Variants in MARCHF3 observed in about 807,000 individuals in gnomAD.
MARCHF3 encodes the protein membrane associated ring-CH-type finger 3.
A neutral mutation model predicts 24.2 loss-of-function variants in MARCHF3; 13 were observed. The ratio of observed to expected loss-of-function variants is 0.54; its 90% CI spans 0.35 to 0.85. The LOEUF is 0.85. Among genes scored for constraint, MARCHF3 ranks in the 40% least tolerant of loss-of-function variants. The pLI, the probability that MARCHF3 is intolerant of heterozygous loss-of-function variation, is 0.01. For synonymous variants in MARCHF3, 144 were observed against 137.3 expected (o/e 1.05, Z -0.34); for missense variants, 276 against 325.0 (o/e 0.85, Z 1.16).
intron 1 of MARCHF3, among the ~76,000 whole-genome samples, chr5:126,926,715 A>G (rs1226327088): frequency 6.6e-6 from 1 of 151,878 alleles, no homozygotes; most frequent in African/African-American, 2.4e-5. Context: ...CCTGGCTTTG[A>G]ACCACCACCC....
intron 3 of MARCHF3, among the ~76,000 whole-genome samples, chr5:126,912,457 T>A (rs1754571572): frequency 6.6e-6 from 1 of 152,172 alleles, no homozygotes; most frequent in Non-Finnish European, 1.5e-5. Flanking sequence ...CTTGCTTTAA[T>A]GAGAAGGCAG....
intron 1 of MARCHF3, among the ~76,000 whole-genome samples, chr5:126,953,631 T>C (rs185767647): frequency 4.6e-5 from 7 of 152,372 alleles, no homozygotes; most frequent in Admixed American, 2.0e-4. Context: ...ACTCTGATTC[T>C]TACTTCTTTG....
At position 126,904,153 on chromosome 5, in the gene MARCHF3, T is replaced by A. The variant is rs1198101422; in HGVS notation, c.393+10777A>T. ...ACAAAGGACATGAACTCATCATTTT[T>A]TATGGCTGCATAGTATTCCATGGTG... On this transcript the variant is annotated intron_variant, in intron 3 of 4. Coordinates refer to ENST00000308660, the MANE Select transcript of MARCHF3 (RefSeq NM_178450.5). 2.0e-5 allele frequency among the ~76,000 whole-genome samples: 3 copies of A among 149,752 alleles called. No individual in the cohort carries two copies. The East Asian group carries it at 5.8e-4, about 29-fold the overall frequency.
At chr5:126,885,440 G>A (rs926882573) in intron 3 of MARCHF3, among the ~76,000 whole-genome samples, 1 of 152,096 alleles carries the variant, frequency 6.6e-6, no homozygotes, top group African/African-American at 2.4e-5. Flanking sequence ...GGTGGTGCAT[G>A]CCTGTAATCC....
chr5:126,978,197 T>C (rs1320580107), intron 1 of MARCHF3, among the ~76,000 whole-genome samples: 1 of 152,186 alleles, frequency 6.6e-6, no homozygotes, highest in African/African-American at 2.4e-5. Flanking sequence ...TACCTTATTT[T>C]CCAATACTTT....
chr5:126,900,410 A>C (rs1201709296), intron 3 of MARCHF3, among the ~76,000 whole-genome samples: 3 of 151,892 alleles, frequency 2.0e-5, no homozygotes, highest in African/African-American at 7.3e-5. Context: ...CCCATGACTG[A>C]GATTTGTGCC....
intron 1 of MARCHF3, among the ~76,000 whole-genome samples, chr5:126,989,689 T>C (rs1015212665): frequency 3.3e-5 from 5 of 152,198 alleles, no homozygotes; most frequent in African/African-American, 4.8e-5. Context: ...TTGTAACACA[T>C]GTAGAAGAAA....
intron 1 of MARCHF3, among the ~76,000 whole-genome samples, chr5:126,995,927 G>C (rs993908769): frequency 6.6e-6 from 1 of 152,252 alleles, no homozygotes; most frequent in African/African-American, 2.4e-5. Context: ...AAGGCAGTAA[G>C]AGGGAGAGGA....
chr5:127,028,169 T>G (rs551985067), intron 1 of MARCHF3, among the ~76,000 whole-genome samples: 2 of 152,246 alleles, frequency 1.3e-5, no homozygotes, highest in Non-Finnish European at 2.9e-5. Flanking sequence ...TCCGCCCATA[T>G]ATAATGAACA....
chr5:126,983,120 A>G (rs1418022354), intron 1 of MARCHF3, among the ~76,000 whole-genome samples: 1 of 152,166 alleles, frequency 6.6e-6, no homozygotes, highest in Non-Finnish European at 1.5e-5. Flanking sequence ...TCTGCAAGAG[A>G]AGAGCTGGCT....
Position 126,890,216 on chromosome 5 carries a change from C to G in MARCHF3, c.394-11822G>C, listed in dbSNP as rs548083359. Among the ~76,000 whole-genome samples, 10 of 151,324 alleles carry G rather than the reference C, an allele frequency of 6.6e-5. No homozygotes were observed. The East Asian group carries it at 1.9e-3, about 29-fold the overall frequency. On this transcript the variant is annotated intron_variant, in intron 3 of 4. Transcript: ENST00000308660. ...GATTATGTTTAATGTTTGTAGATCACTTTGCTATAAAACTCACAGACTTGT... is the reference window on the plus strand; with the variant it reads ...GATTATGTTTAATGTTTGTAGATCAGTTTGCTATAAAACTCACAGACTTGT...
At chr5:126,943,164 G>C (rs921346035) in intron 1 of MARCHF3, among the ~76,000 whole-genome samples, 1 of 152,138 alleles carries the variant, frequency 6.6e-6, no homozygotes, top group Non-Finnish European at 1.5e-5. Flanking sequence ...CCTGGTGGCA[G>C]GCGCCTGTAA....
chr5:126,898,818 A>T, intron 3 of MARCHF3: 1 of 975,382 alleles, frequency 1.0e-6, no homozygotes, highest in Non-Finnish European at 1.2e-6. Flanking sequence ...CCAACTTTCT[A>T]TTTATAATAG....
At chr5:127,003,821 A>G (rs1208343083) in intron 1 of MARCHF3, among the ~76,000 whole-genome samples, 1 of 152,242 alleles carries the variant, frequency 6.6e-6, no homozygotes, top group African/African-American at 2.4e-5. Flanking sequence ...TTTGTCGTAC[A>G]CAGTTGTGCA....
At chr5:126,903,564 T>A (rs1754177421) in intron 3 of MARCHF3, among the ~76,000 whole-genome samples, 1 of 152,026 alleles carries the variant, frequency 6.6e-6, no homozygotes, top group South Asian at 2.1e-4. Flanking sequence ...TCAATGAATA[T>A]TAAAAATCAA....
At chr5:126,962,304 G>A (rs1414645613) in intron 1 of MARCHF3, among the ~76,000 whole-genome samples, 1 of 151,890 alleles carries the variant, frequency 6.6e-6, no homozygotes, top group African/African-American at 2.4e-5. Flanking sequence ...GTCCCTGTGG[G>A]CTAGTCATTT....
At chr5:126,948,928 C>T (rs1216355797) in intron 1 of MARCHF3, among the ~76,000 whole-genome samples, 1 of 152,012 alleles carries the variant, frequency 6.6e-6, no homozygotes, top group Non-Finnish European at 1.5e-5. Context: ...GTGCCTTTGT[C>T]GGCCTACAGT....
rs974244325 is a variant in MARCHF3, at chr5:126,869,275, C to T, written c.*1358G>A. The T allele has an allele frequency of 6.6e-6, 1 of 152,166 alleles. No homozygotes were observed. Among genetic ancestry groups the T allele is most frequent in the African/African-American group, 2.4e-5 (1 of 41,442 alleles). The allele number at this position is 152,166 out of a possible 1,614,324, so 9.4% of individuals were successfully genotyped here. ...TCTAGAATTCCATATTTTAAGCATT[C>T]CGGAAGCAGGGCTCCGCCCCTCCTC... On this transcript the variant is annotated 3_prime_UTR_variant, in exon 5 of 5. Coordinates refer to ENST00000308660, the MANE Select transcript of MARCHF3 (RefSeq NM_178450.5).
intron 1 of MARCHF3, among the ~76,000 whole-genome samples, chr5:127,013,389 C>T (rs1752530558): frequency 6.6e-6 from 1 of 152,132 alleles, no homozygotes; most frequent in Non-Finnish European, 1.5e-5. Flanking sequence ...TATATGAAAA[C>T]TGCTGTCAAA....
Sources: allele counts gnomAD v4.1 joint callset (sites outside exome capture counted in the v4.1 genomes callset), GRCh38; gene constraint gnomAD v4.1.1; transcripts MANE v1.5; gene names NCBI Gene and HGNC (gene_info 2026-07-23, HGNC 2026-07-21).